Variants in GABRA2 observed in about 807,000 individuals in gnomAD.
The protein encoded by GABRA2 is gamma-aminobutyric acid receptor subunit alpha-2.
In GABRA2, 16 loss-of-function variants were observed where a neutral mutation model predicts 48.7. The ratio of observed to expected loss-of-function variants is 0.33; its 90% CI spans 0.22 to 0.50. GABRA2 has a LOEUF of 0.50. Among genes scored for constraint, GABRA2 ranks in the 20% least tolerant of loss-of-function variants. The probability of loss-of-function intolerance (pLI) is 0.98; values close to 1 mark genes in which losing one functional copy is unlikely to be tolerated. For synonymous variants in GABRA2, 185 were observed against 184.5 expected, an observed-to-expected ratio of 1.00 and a Z score of -0.02; for missense variants, 275 against 535.6, an observed-to-expected ratio of 0.51 and a Z score of 4.80.
At chr4:46,307,199 T>A (rs879272240) in intron 6 of GABRA2, among the ~76,000 whole-genome samples, 1 of 152,018 alleles carries the variant, frequency 6.6e-6, no homozygotes, top group Non-Finnish European at 1.5e-5. Context: ...GTAATTTCAA[T>A]TCATTAACCA....
At chr4:46,344,917 A>T (rs1560556224) in intron 3 of GABRA2, among the ~76,000 whole-genome samples, 1 of 151,984 alleles carries the variant, frequency 6.6e-6, no homozygotes, top group Non-Finnish European at 1.5e-5. Context: ...AGGTAATCCT[A>T]TTAATAAAAT....
At position 46,248,087 on chromosome 4, in the gene GABRA2, G is replaced by A. The variant is rs892498454; in HGVS notation, c.*2221C>T. Among the ~76,000 whole-genome samples, 3 of 151,280 alleles carry A rather than the reference G, an allele frequency of 2.0e-5. No homozygotes were observed. The highest frequency in any genetic ancestry group is 7.3e-5 in the African/African-American group (3 of 41,344). On this transcript the variant is annotated 3_prime_UTR_variant, in exon 10 of 10. Coordinates refer to ENST00000381620, the MANE Select transcript of GABRA2 (RefSeq NM_000807.4). ...GTAGCAGCTCTTTGCCCAAAGTATA[G>A]ATAAGCCTTTTCTGTTGTCATACAG...
chr4:46,340,783 A>G (rs1242266321), intron 3 of GABRA2, among the ~76,000 whole-genome samples: 1 of 151,960 alleles, frequency 6.6e-6, no homozygotes, highest in Non-Finnish European at 1.5e-5. Flanking sequence ...GTTTCTCACC[A>G]ATTGGGGAAC....
At chr4:46,333,037 G>A (rs1238187142) in intron 3 of GABRA2, among the ~76,000 whole-genome samples, 4 of 152,130 alleles carry the variant, frequency 2.6e-5, no homozygotes, top group African/African-American at 9.6e-5. Context: ...CCATGGTATT[G>A]TTTGATATAA....
intron 3 of GABRA2, among the ~76,000 whole-genome samples, chr4:46,382,991 T>A (rs1050698778): frequency 2.6e-5 from 4 of 152,152 alleles, no homozygotes; most frequent in African/African-American, 9.6e-5. Flanking sequence ...TTCTGGGAAA[T>A]AATGATACAG....
chr4:46,332,825 C>T, intron 3 of GABRA2, 143 bp from the exon 4 acceptor site: 3 of 540,636 alleles, frequency 5.5e-6, no homozygotes, highest in South Asian at 5.7e-5. Context: ...ACTTTCGCAA[C>T]CATAATGACT....
intron 8 of GABRA2, among the ~76,000 whole-genome samples, chr4:46,265,393 T>TAC (rs34025736): frequency 0.46 from 56,215 of 121,904 alleles, 13,929 homozygotes; most frequent in South Asian, 0.71. Flanking sequence ...ACAATATATA[T>TAC]ATAATATATT....
intron 7 of GABRA2, among the ~76,000 whole-genome samples, chr4:46,305,074 T>G (rs1020106278): frequency 6.6e-6 from 1 of 151,810 alleles, no homozygotes; most frequent in African/African-American, 2.4e-5. Context: ...CTTGTTAAAA[T>G]GTAGATTCTG....
chr4:46,313,699 AT>A (rs773015202), intron 4 of GABRA2, among the ~76,000 whole-genome samples: 2 of 151,964 alleles, frequency 1.3e-5, no homozygotes, highest in African/African-American at 2.4e-5. Flanking sequence ...TTGGATATTA[AT>A]TTTTTGTCAG....
chr4:46,365,192 T>C (rs1713851578), intron 3 of GABRA2: 1 of 152,172 alleles, frequency 6.6e-6, no homozygotes, highest in Non-Finnish European at 1.5e-5. Context: ...AGAAACACCT[T>C]ATTCTCCTGT....
chr4:46,250,726 A>C, intron 9 of GABRA2, 122 bp from the exon 10 acceptor site: 1 of 681,034 alleles, frequency 1.5e-6, no homozygotes, highest in Non-Finnish European at 2.4e-6. Context: ...TTAGCAAAAA[A>C]CAGAAATTAG....
intron 3 of GABRA2, chr4:46,368,125 G>A (rs914472476): frequency 1.3e-5 from 2 of 152,088 alleles, no homozygotes; most frequent in African/African-American, 4.8e-5. Flanking sequence ...ATTCCTACAT[G>A]CCATCCAACC....
At chr4:46,262,172 G>T in intron 8 of GABRA2, 44 bp from the exon 9 acceptor site, 2 of 1,522,534 alleles carry the variant, frequency 1.3e-6, no homozygotes, top group Non-Finnish European at 1.8e-6. Context: ...ATAGGTACTA[G>T]CAGGACAGCA....
upstream of GABRA2, chr4:46,390,144 A>T: frequency 1.3e-6 from 1 of 760,706 alleles, no homozygotes; most frequent in Non-Finnish European, 1.6e-6. Context: ...AGGAGGAGTC[A>T]GGCCGGGTAG....
intron 4 of GABRA2, among the ~76,000 whole-genome samples, chr4:46,318,446 A>G (rs1728907776): frequency 1.3e-5 from 2 of 151,596 alleles, no homozygotes; most frequent in Non-Finnish European, 3.0e-5. Context: ...TATTCTTTGC[A>G]TAGCCACTAA....
At chr4:46,287,402 G>C (rs1722759324) in intron 8 of GABRA2, among the ~76,000 whole-genome samples, 1 of 151,736 alleles carries the variant, frequency 6.6e-6, no homozygotes, top group South Asian at 2.1e-4. Context: ...ATGATTGACT[G>C]GATTAAGAAA....
At chr4:46,273,016 G>A (rs1719647112) in intron 8 of GABRA2, among the ~76,000 whole-genome samples, 1 of 151,614 alleles carries the variant, frequency 6.6e-6, no homozygotes, top group South Asian at 2.1e-4. Flanking sequence ...ATCTACATTA[G>A]GTATTTCTCC....
At position 46,259,968 on chromosome 4, in the gene GABRA2, ATC is replaced by A. The variant is rs370219250; in HGVS notation, c.1059+1956_1059+1957del. Among the ~76,000 whole-genome samples the A allele has an allele frequency of 3.5e-4, 53 of 151,940 alleles. No individual in the cohort carries two copies. In the Middle Eastern group the frequency reaches 0.014, roughly 39 times the overall value. Reference sequence around the variant, plus strand: ...TAGTCTGAAGGTAGGTTTATGAAACATCTCTCAAAACTCATCTGAATCATGAA... The same window carrying A: ...TAGTCTGAAGGTAGGTTTATGAAACATCTCAAAACTCATCTGAATCATGAA... On this transcript the variant is annotated intron_variant, in intron 9 of 9. Transcript: ENST00000381620.
intron 9 of GABRA2, among the ~76,000 whole-genome samples, chr4:46,258,625 C>G (rs534412906): frequency 1.3e-5 from 2 of 151,858 alleles, no homozygotes; most frequent in African/African-American, 2.4e-5. Context: ...ACTCTGAACT[C>G]TGGCAGAGAA....
Sources: allele counts gnomAD v4.1 joint callset (sites outside exome capture counted in the v4.1 genomes callset), GRCh38; gene constraint gnomAD v4.1.1; transcripts MANE v1.5; gene names NCBI Gene and HGNC (gene_info 2026-07-23, HGNC 2026-07-21).